KIAA1755: variants seen among roughly 807,000 people sequenced by gnomAD.
KIAA1755 encodes KIAA1755, also known as uncharacterized protein KIAA1755.
A neutral mutation model predicts 91.7 loss-of-function variants in KIAA1755; 68 were observed. The ratio of observed to expected loss-of-function variants is 0.74; its 90% confidence interval spans 0.61 to 0.91. The LOEUF (loss-of-function observed/expected upper bound fraction) is 0.91. Among genes scored for constraint, KIAA1755 ranks in the 40% least tolerant of loss-of-function variants. KIAA1755 has a pLI of 0.00. For synonymous variants in KIAA1755, 610 were observed against 604.6 expected (o/e 1.01, Z -0.13); for missense variants, 1,535 against 1,494.4 (o/e 1.03, Z -0.45).
Position 38,239,667 on chromosome 20 carries a change from C to T in KIAA1755, c.1608G>A (p.Glu536=), listed in dbSNP as rs532455401. The T allele has an allele frequency of 1.2e-6, 2 of 1,608,476 alleles. No individual in the cohort carries two copies. Among genetic ancestry groups the T allele is most frequent in the South Asian group, 1.1e-5 (1 of 90,254 alleles). ...AAGCTTCTGGCAAGGCAGCCTTTTC[C>T]TCAGTCAGTGGGCTGGGGGCAGTGG... is the stretch of plus-strand genomic sequence containing the variant. ...GPATAPSPLT[E]EKAALPEASA... The change falls in exon 4 of 14, where the codon GAG becomes GAA. Residue 536 remains glutamate (E), a synonymous_variant. Transcript: ENST00000279024.
rs1156991187 is a variant in KIAA1755 at position 38,213,373 on chromosome 20, T to C, written c.3272A>G (p.Asp1091Gly). The C allele has an allele frequency of 1.2e-6, 2 of 1,605,398 alleles. No homozygotes were observed. The highest frequency in any genetic ancestry group is 1.1e-5 in the South Asian group (1 of 89,698). ...SVEVTSKGRW[D>G]QPPLDSLGMD... ...GCCCAGTGAGTCTAGTGGAGGCTGA[T>C]CCCACCTCCCCTTGGAAGTGACCTC... Residue 1091 changes from aspartate to glycine, a missense_variant, in exon 14 of 14, where the codon GAT becomes GGT. By Grantham distance (94) the Asp-to-Gly change is moderately conservative. Coordinates refer to ENST00000279024, the MANE Select transcript of KIAA1755 (RefSeq NM_001029864.2).
At chr20:38,254,414 A>G (rs1214594155) in intron 1 of KIAA1755, among the ~76,000 whole-genome samples, 1 of 152,078 alleles carries the variant, frequency 6.6e-6, no homozygotes, top group Non-Finnish European at 1.5e-5. Flanking sequence ...TCCTGGCCTC[A>G]GTTTCCCCAC....
intron 13 of KIAA1755, 80 bp from the exon 14 acceptor site, chr20:38,213,823 G>T: frequency 9.9e-7 from 1 of 1,011,638 alleles, no homozygotes; most frequent in Non-Finnish European, 1.4e-6. Flanking sequence ...AGTGCCCAAT[G>T]CCAGGGCCCC....
chr20:38,244,062 CTGAGATTGACAGATATTTGCCT>C (rs2076112901), intron 2 of KIAA1755, among the ~76,000 whole-genome samples: 1 of 152,172 alleles, frequency 6.6e-6, no homozygotes, highest in Admixed American at 6.5e-5. Flanking sequence ...TCCCATTGCT[CTGAGATTGACAGATATTTGCCT>C]ATCATTACAA....
chr20:38,227,216 C>T lies in KIAA1755; in HGVS notation c.1990G>A (p.Ala664Thr), dbSNP rs950407888. 6.2e-7 allele frequency: 1 copy of T among 1,613,902 alleles called. No individual in the cohort carries two copies. Among genetic ancestry groups the T allele is most frequent in the Non-Finnish European group, 8.5e-7 (1 of 1,179,886 alleles). The stretch of plus-strand genomic sequence containing the variant: ...TCCTTCTCCCCCAGGAAGAGAATAG[C>T]CCGGATAGAGGCTGGGACCTGAGCC... Reference protein sequence around the residue: ...TQAQVPASIRAILFLGEKEAA... With the variant: ...TQAQVPASIRTILFLGEKEAA... The change falls in exon 7 of 14, where the codon GCT (alanine) becomes ACT (threonine). Residue 664 changes from alanine to threonine, a missense_variant. By Grantham distance (58) the Ala-to-Thr change is moderately conservative (BLOSUM62 0). Coordinates refer to ENST00000279024, the MANE Select transcript of KIAA1755 (RefSeq NM_001029864.2).
chr20:38,234,951 G>A (rs1241103923), intron 4 of KIAA1755, among the ~76,000 whole-genome samples: 1 of 152,174 alleles, frequency 6.6e-6, no homozygotes, highest in African/African-American at 2.4e-5. Context: ...CAGATATTGT[G>A]AGCCTCAGGT....
Position 38,227,121 on chromosome 20 carries a change from C to T in KIAA1755, c.2052+33G>A, listed in dbSNP as rs748596876. ...AGCTCAGCTCGAGCCCAACAACTCC[C>T]TTCCTCAACCGCCGACCCTGAGTCC... On this transcript the variant is annotated intron_variant, in intron 7 of 13. Transcript: ENST00000279024. 2.6e-6 allele frequency: 4 copies of T among 1,568,514 alleles called. No individual in the cohort carries two copies. In the Admixed American group the frequency reaches 5.1e-5, roughly 20 times the overall value.
At position 38,219,667 on chromosome 20, in the gene KIAA1755, C is replaced by CGGAGCTCCAGCTTCCCCA. The variant is rs2075620690; in HGVS notation, c.2501_2518dup (p.Leu834_Leu839dup). ...AGCTTCCAGGCGGCCCAGGCGGACA[C>CGGAGCTCCAGCTTCCCCA]GGAGCTCCAGCTTCCCCAGGAGGCT... On this transcript the variant is annotated inframe_insertion, in exon 11 of 14. Coordinates refer to ENST00000279024, the MANE Select transcript of KIAA1755 (RefSeq NM_001029864.2). 35 of 1,614,030 alleles carry CGGAGCTCCAGCTTCCCCA rather than the reference C, an allele frequency of 2.2e-5. No homozygotes were observed. Among genetic ancestry groups the CGGAGCTCCAGCTTCCCCA allele is most frequent in the Non-Finnish European group, 2.9e-5 (34 of 1,180,038 alleles).
intron 1 of KIAA1755, among the ~76,000 whole-genome samples, chr20:38,255,293 G>T (rs2076321502): frequency 6.6e-6 from 1 of 152,156 alleles, no homozygotes; most frequent in East Asian, 1.9e-4. Flanking sequence ...GTAACATGAA[G>T]ACAGACACTG....
chr20:38,239,609 C>T lies in KIAA1755; in HGVS notation c.1666G>A (p.Glu556Lys). The T allele has an allele frequency of 6.2e-7, 1 of 1,606,260 alleles. No homozygotes were observed. Among genetic ancestry groups the T allele is most frequent in the Non-Finnish European group, 8.5e-7 (1 of 1,177,342 alleles). Residue 556 changes from glutamate (E) to lysine (K), a missense_variant, in exon 4 of 14, where the codon GAG (glutamate) becomes AAG (lysine). Transcript: ENST00000279024. Reference sequence around the variant, plus strand: ...GGCTCAGGCCCTGGGGGCTCCTCCTCCAGGGTGGGGCCTCTTTCTGGGGAG... The same window carrying T: ...GGCTCAGGCCCTGGGGGCTCCTCCTTCAGGGTGGGGCCTCTTTCTGGGGAG... ...AGSPERGPTL[E>K]EEPPGPEPRI...
At chr20:38,260,269 T>C (rs1600676206) in intron 1 of KIAA1755, 1 of 1,547,438 alleles carries the variant, frequency 6.5e-7, no homozygotes, top group East Asian at 2.4e-5. Context: ...ACAATCTTAC[T>C]CCATCCATAC....
intron 11 of KIAA1755, among the ~76,000 whole-genome samples, chr20:38,218,940 C>A (rs2075604121): frequency 1.3e-5 from 2 of 152,140 alleles, no homozygotes; most frequent in South Asian, 4.1e-4. Context: ...GCTCTCAACC[C>A]CGAGTGGAAG....
At chr20:38,225,608 TGAAGAGAA>T in intron 8 of KIAA1755, 49 bp downstream of exon 8, 4 of 1,040,022 alleles carry the variant, frequency 3.8e-6, no homozygotes, top group Non-Finnish European at 6.1e-6. Flanking sequence ...GACAGAAGAG[TGAAGAGAA>T]GAAGAGAAGG....
rs1016426106 is a variant in KIAA1755, at chr20:38,211,205, G to A, written c.*1837C>T. ...TGGAAGATTCCTGAAGCCATTTTAG[G>A]TATCAAGTGTGTGACTCTTGGCTGA... On this transcript the variant is annotated 3_prime_UTR_variant, in exon 14 of 14. Transcript: ENST00000279024. The A allele has an allele frequency of 5.9e-5, 9 of 152,250 alleles. No homozygotes were observed. The highest frequency in any genetic ancestry group is 7.3e-5 in the Non-Finnish European group (5 of 68,086). 9.4% of individuals were successfully genotyped at this position (152,250 alleles called of 1,614,324 possible). A position where few individuals can be genotyped will look rare whatever the true frequency, so the allele number is the denominator to read the frequency against.
At chr20:38,252,848 G>T (rs190446111) in intron 1 of KIAA1755, among the ~76,000 whole-genome samples, 1 of 152,128 alleles carries the variant, frequency 6.6e-6, no homozygotes, top group African/African-American at 2.4e-5. Flanking sequence ...AACCCCAGGG[G>T]CTCATAAGCC....
rs111942795 is a variant in KIAA1755 at position 38,213,127 on chromosome 20, G to C, written c.3518C>G (p.Thr1173Ser). The C allele has an allele frequency of 6.2e-7, 1 of 1,610,142 alleles. No individual in the cohort carries two copies. Among genetic ancestry groups the C allele is most frequent in the Non-Finnish European group, 8.5e-7 (1 of 1,177,484 alleles). Residue 1173 changes from threonine to serine, a missense_variant, in exon 14 of 14, where the codon ACT (threonine) becomes AGT (serine). Transcript: ENST00000279024. ...CCCCTCTGAGGAGAAGCTGCCCCCA[G>C]TGAGGCGAGGGACCTGGCTCTGCCT... ...PPRQSQVPRL[T>S]GGSFSSEGTD... is the part of the protein sequence containing the mutation.
intron 13 of KIAA1755, among the ~76,000 whole-genome samples, chr20:38,214,200 C>CTT (rs1211547281): frequency 6.6e-6 from 1 of 152,168 alleles, no homozygotes; most frequent in African/African-American, 2.4e-5. Context: ...ATCCACCCGC[C>CTT]GCAGCCTCCC....
intron 13 of KIAA1755, 132 bp downstream of exon 13, chr20:38,217,121 T>C (rs371847986): frequency 3.3e-5 from 24 of 731,256 alleles, no homozygotes; most frequent in East Asian, 1.7e-4. Flanking sequence ...GGGGGCTGTG[T>C]CTAGGTATCC....
At chr20:38,258,206 A>T (rs2076373348) in intron 1 of KIAA1755, among the ~76,000 whole-genome samples, 1 of 152,148 alleles carries the variant, frequency 6.6e-6, no homozygotes, top group African/African-American at 2.4e-5. Flanking sequence ...CGGCTTAGTT[A>T]CTTTCTATTT....
Sources: allele counts gnomAD v4.1 joint callset (sites outside exome capture counted in the v4.1 genomes callset), GRCh38; gene constraint gnomAD v4.1.1; transcripts MANE v1.5; gene names NCBI Gene and HGNC (gene_info 2026-07-23, HGNC 2026-07-21).